The following RHOBTB1 variants were observed in gnomAD, a reference collection of about 807,000 sequenced individuals.
RHOBTB1 encodes the protein Rho related BTB domain containing 1, also known as rho-related BTB domain-containing protein 1.
A neutral mutation model predicts 71.6 loss-of-function variants in RHOBTB1; 40 were observed. The observed-to-expected ratio is 0.56, with a 90% CI of 0.43 to 0.73. The LOEUF (loss-of-function observed/expected upper bound fraction) is 0.73, where lower values mean the gene tolerates loss of function less well. RHOBTB1 is among the 30% of genes least tolerant of loss of function. RHOBTB1 has a pLI of 0.00. For missense variants in RHOBTB1, 797 were observed against 894.0 expected (o/e 0.89, Z 1.38); for synonymous variants, 319 against 334.9 (o/e 0.95, Z 0.52).
At chr10:60,898,470 GGGA>G (rs1335710986) in intron 4 of RHOBTB1, among the ~76,000 whole-genome samples, 1 of 152,176 alleles carries the variant, frequency 6.6e-6, no homozygotes, top group Non-Finnish European at 1.5e-5. Flanking sequence ...ATTTTAGTAG[GGGA>G]GCAGCCCAGT....
At chr10:60,879,635 GTGAC>G (rs1267642034) in intron 7 of RHOBTB1, among the ~76,000 whole-genome samples, 2 of 152,212 alleles carry the variant, frequency 1.3e-5, no homozygotes, top group African/African-American at 4.8e-5. Flanking sequence ...ATGAGCCACT[GTGAC>G]TGGCCGGTTA....
chr10:60,955,043 C>CTGTT (rs748471689), intron 2 of RHOBTB1, among the ~76,000 whole-genome samples: 83 of 112,824 alleles, frequency 7.4e-4, no homozygotes, highest in Non-Finnish European at 1.3e-3. Flanking sequence ...TTCTTTCTTT[C>CTGTT]TTTTTTTTTT....
intron 2 of RHOBTB1, among the ~76,000 whole-genome samples, chr10:60,923,197 T>C (rs542755251): frequency 1.3e-5 from 2 of 152,168 alleles, no homozygotes; most frequent in African/African-American, 4.8e-5. Context: ...ATTAAAAACC[T>C]TGAAGCATAG....
chr10:60,970,577 T>C (rs1248157404), intron 2 of RHOBTB1, among the ~76,000 whole-genome samples: 1 of 152,140 alleles, frequency 6.6e-6, no homozygotes, highest in Admixed American at 6.6e-5. Flanking sequence ...ATAAAAATAG[T>C]TCACTATGAA....
At chr10:60,903,464 G>A (rs891237413) in intron 4 of RHOBTB1, among the ~76,000 whole-genome samples, 4 of 152,154 alleles carry the variant, frequency 2.6e-5, no homozygotes, top group African/African-American at 9.7e-5. Flanking sequence ...CAGAGGTCAC[G>A]TGCATGCTGC....
intron 6 of RHOBTB1, 100 bp from the exon 7 acceptor site, chr10:60,886,330 C>G (rs1309200100): frequency 1.3e-6 from 1 of 774,726 alleles, no homozygotes; most frequent in Non-Finnish European, 2.2e-6. Context: ...CTCCCTTACT[C>G]TCTCTTGCAT....
intron 2 of RHOBTB1, among the ~76,000 whole-genome samples, chr10:60,976,568 T>A (rs963805524): frequency 6.6e-6 from 1 of 151,990 alleles, no homozygotes; most frequent in African/African-American, 2.4e-5. Flanking sequence ...TCTGTAGTAA[T>A]GCCCCTTGTT....
At chr10:60,892,717 T>C in intron 5 of RHOBTB1, 93 bp downstream of exon 5, 1 of 1,063,108 alleles carries the variant, frequency 9.4e-7, no homozygotes, top group Non-Finnish European at 1.3e-6. Flanking sequence ...GATCCAGGAG[T>C]GTTGAAGAGC....
chr10:60,986,157 G>T (rs961137345), intron 1 of RHOBTB1, among the ~76,000 whole-genome samples: 6 of 151,886 alleles, frequency 4.0e-5, no homozygotes, highest in African/African-American at 1.4e-4. Flanking sequence ...GAATATCTGG[G>T]GTCAAATCGC....
At chr10:61,001,639 C>G (rs1193623421), upstream of RHOBTB1, among the ~76,000 whole-genome samples, 1 of 152,056 alleles carries the variant, frequency 6.6e-6, no homozygotes, top group Non-Finnish European at 1.5e-5. Context: ...TCCACATCCT[C>G]GCGGCCTGCC....
chr10:60,985,716 A>G (rs1264005696), intron 2 of RHOBTB1: 1 of 152,234 alleles, frequency 6.6e-6, no homozygotes, highest in Non-Finnish European at 1.5e-5. Context: ...TTTGTGAAAC[A>G]TAATGAAGAC....
intron 9 of RHOBTB1, 65 bp downstream of exon 9, chr10:60,874,889 G>T: frequency 9.0e-7 from 1 of 1,112,848 alleles, no homozygotes. Flanking sequence ...ACAATGGAAT[G>T]TTTTATCAGC....
intron 2 of RHOBTB1, among the ~76,000 whole-genome samples, chr10:60,981,151 A>G (rs1307548969): frequency 6.6e-6 from 1 of 152,166 alleles, no homozygotes; most frequent in Non-Finnish European, 1.5e-5. Context: ...TTATTGAGGT[A>G]ACAAATGCCA....
chr10:60,994,164 T>C (rs565369873), intron 1 of RHOBTB1, among the ~76,000 whole-genome samples: 1 of 152,274 alleles, frequency 6.6e-6, no homozygotes, highest in African/African-American at 2.4e-5. Flanking sequence ...TTGTTGAGTA[T>C]CTGTGAAATG....
intron 2 of RHOBTB1, among the ~76,000 whole-genome samples, chr10:60,913,413 G>GTC (rs1157159899): frequency 6.6e-6 from 1 of 152,172 alleles, no homozygotes; most frequent in Non-Finnish European, 1.5e-5. Context: ...GGGAAAAAGA[G>GTC]TCTTTAAAAA....
intron 2 of RHOBTB1, among the ~76,000 whole-genome samples, chr10:60,939,979 T>C (rs943663116): frequency 3.3e-5 from 5 of 152,338 alleles, no homozygotes; most frequent in East Asian, 1.9e-4. Flanking sequence ...GGTTGCTTTA[T>C]TGATATTTTT....
At chr10:60,868,464 G>A (rs935415152), downstream of RHOBTB1, among the ~76,000 whole-genome samples, 1 of 152,088 alleles carries the variant, frequency 6.6e-6, no homozygotes, top group Admixed American at 6.5e-5. Flanking sequence ...TTTTCCCTCT[G>A]ACTAGTAGTA....
upstream of RHOBTB1, among the ~76,000 whole-genome samples, chr10:60,946,132 C>T (rs1041634090): frequency 3.3e-5 from 5 of 151,550 alleles, no homozygotes; most frequent in East Asian, 2.0e-4. Flanking sequence ...GAGCCGAGAT[C>T]GCGCCACTGC....
chr10:60,885,986 G>A (rs902551533), intron 7 of RHOBTB1, 126 bp downstream of exon 7: 1 of 729,188 alleles, frequency 1.4e-6, no homozygotes, highest in African/African-American at 1.7e-5. Context: ...ATGACTAACA[G>A]TATGATGACC....
Sources: allele counts gnomAD v4.1 joint callset (sites outside exome capture counted in the v4.1 genomes callset), GRCh38; gene constraint gnomAD v4.1.1; transcripts MANE v1.5; gene names NCBI Gene and HGNC (gene_info 2026-07-23, HGNC 2026-07-21).